The following ANKS1B variants were observed in gnomAD, a reference collection of about 807,000 sequenced individuals.
The protein encoded by ANKS1B is ankyrin repeat and sterile alpha motif domain-containing protein 1B.
In ANKS1B, 36 loss-of-function variants were observed where a neutral mutation model predicts 148.3. The ratio of observed to expected loss-of-function variants is 0.24; its 90% confidence interval spans 0.19 to 0.32. The LOEUF is 0.32. Ranked by LOEUF, ANKS1B falls within the 10% of genes least tolerant of loss-of-function variation. The probability of loss-of-function intolerance (pLI) is 1.00; values close to 1 mark genes in which losing one functional copy is unlikely to be tolerated. For missense variants in ANKS1B, 1,157 were observed against 1,542.6 expected (o/e 0.75, Z 4.19); for synonymous variants, 542 against 560.8 (o/e 0.97, Z 0.47).
At chr12:99,036,508 A>G (rs920709292) in intron 17 of ANKS1B, among the ~76,000 whole-genome samples, 8 of 152,192 alleles carry the variant, frequency 5.3e-5, no homozygotes, top group African/African-American at 9.7e-5. Context: ...TTGCCATCAC[A>G]TGGTTGTCAT....
chr12:99,692,178 G>C, intron 8 of ANKS1B, among the ~76,000 whole-genome samples: 1 of 152,116 alleles, frequency 6.6e-6, no homozygotes, highest in East Asian at 1.9e-4. Flanking sequence ...AGAACATTCT[G>C]GATGCTGTGA....
intron 16 of ANKS1B, among the ~76,000 whole-genome samples, chr12:99,069,914 G>T (rs1205459544): frequency 6.6e-6 from 1 of 152,176 alleles, no homozygotes; most frequent in African/African-American, 2.4e-5. Context: ...TCTGGAGCCA[G>T]CCTGGCCAGT....
chr12:99,762,871 C>A (rs185385417), intron 8 of ANKS1B, among the ~76,000 whole-genome samples: 15 of 151,832 alleles, frequency 9.9e-5, no homozygotes, highest in African/African-American at 3.6e-4. Context: ...GATATACATG[C>A]AGTTAATAAG....
intron 11 of ANKS1B, among the ~76,000 whole-genome samples, chr12:99,419,889 C>A (rs1216015615): frequency 6.6e-6 from 1 of 152,158 alleles, no homozygotes; most frequent in African/African-American, 2.4e-5. Flanking sequence ...AGGTTGGTCT[C>A]AAATTCCTGG....
At chr12:99,369,469 A>T (rs556177616) in intron 12 of ANKS1B, among the ~76,000 whole-genome samples, 1 of 152,162 alleles carries the variant, frequency 6.6e-6, no homozygotes, top group Admixed American at 6.6e-5. Flanking sequence ...AAATAAGTGA[A>T]CTCTGGATCC....
chr12:99,651,076 G>T (rs1386170203), intron 9 of ANKS1B, among the ~76,000 whole-genome samples: 1 of 152,084 alleles, frequency 6.6e-6, no homozygotes, highest in Non-Finnish European at 1.5e-5. Flanking sequence ...AAACAAATCT[G>T]GGGATATAAA....
intron 14 of ANKS1B, among the ~76,000 whole-genome samples, chr12:99,224,586 T>C (rs1248159936): frequency 2.6e-5 from 4 of 152,152 alleles, no homozygotes; most frequent in Non-Finnish European, 5.9e-5. Flanking sequence ...AAAAACTCCC[T>C]GAAGCCTCCC....
At chr12:99,245,438 T>C (rs2090088290) in intron 13 of ANKS1B, among the ~76,000 whole-genome samples, 1 of 152,186 alleles carries the variant, frequency 6.6e-6, no homozygotes, top group Non-Finnish European at 1.5e-5. Context: ...GTTAGCAACC[T>C]GAATAAGATA....
intron 14 of ANKS1B, among the ~76,000 whole-genome samples, chr12:99,241,492 C>T (rs4495972): frequency 0.062 from 9,368 of 152,232 alleles, 561 homozygotes; most frequent in South Asian, 0.22. Flanking sequence ...GGTACCATTC[C>T]TTCTGAAACT....
At chr12:99,070,007 C>A (rs937140140) in intron 16 of ANKS1B, among the ~76,000 whole-genome samples, 2 of 152,134 alleles carry the variant, frequency 1.3e-5, no homozygotes, top group African/African-American at 4.8e-5. Flanking sequence ...TCTTCACCTG[C>A]AAAATAGGGA....
chr12:99,508,021 T>A (rs148143742), intron 9 of ANKS1B, among the ~76,000 whole-genome samples: 275 of 152,040 alleles, frequency 1.8e-3, no homozygotes, highest in Non-Finnish European at 2.8e-3. Context: ...TAACTATACA[T>A]GTAAGTATCA....
intron 10 of ANKS1B, among the ~76,000 whole-genome samples, chr12:99,482,920 G>C (rs1391104691): frequency 6.6e-6 from 1 of 151,864 alleles, no homozygotes; most frequent in Non-Finnish European, 1.5e-5. Context: ...AGAGTTTTTA[G>C]AATATTCTAA....
intron 17 of ANKS1B, among the ~76,000 whole-genome samples, chr12:98,839,286 G>A (rs982144076): frequency 1.3e-5 from 2 of 152,066 alleles, no homozygotes; most frequent in East Asian, 1.9e-4. Context: ...AAAAAATATC[G>A]AGTCCTCCAG....
chr12:99,225,700 G>T (rs188211053), intron 14 of ANKS1B, among the ~76,000 whole-genome samples: 34 of 152,326 alleles, frequency 2.2e-4, no homozygotes, highest in African/African-American at 7.5e-4. Flanking sequence ...CAGACTCCAG[G>T]TTCTTCAGCT....
intron 10 of ANKS1B, 104 bp downstream of exon 10, chr12:99,504,372 C>A (rs1026103547): frequency 8.3e-7 from 1 of 1,204,874 alleles, no homozygotes; most frequent in African/African-American, 1.6e-5. Context: ...ATTGGGGGAA[C>A]TTTCATTTTG....
chr12:99,356,544 AG>A (rs1323229771), intron 12 of ANKS1B, among the ~76,000 whole-genome samples: 1 of 152,162 alleles, frequency 6.6e-6, no homozygotes. Flanking sequence ...ACGCTGGCAA[AG>A]GAAAATATTT....
At chr12:99,373,694 T>G (rs2093259014) in intron 12 of ANKS1B, among the ~76,000 whole-genome samples, 1 of 152,176 alleles carries the variant, frequency 6.6e-6, no homozygotes, top group Non-Finnish European at 1.5e-5. Flanking sequence ...ATTTTTTGTT[T>G]TTTTTTTAAA....
chr12:99,843,716 T>C (rs1019896085), intron 1 of ANKS1B, among the ~76,000 whole-genome samples: 1 of 152,172 alleles, frequency 6.6e-6, no homozygotes, highest in African/African-American at 2.4e-5. Flanking sequence ...GCAATGAACA[T>C]ACATGTGCAT....
intron 8 of ANKS1B, among the ~76,000 whole-genome samples, chr12:99,731,894 A>G (rs948598070): frequency 6.6e-6 from 1 of 152,236 alleles, no homozygotes; most frequent in Non-Finnish European, 1.5e-5. Context: ...GACTACGAGA[A>G]TAACTTTAAA....
Sources: allele counts gnomAD v4.1 joint callset (sites outside exome capture counted in the v4.1 genomes callset), GRCh38; gene constraint gnomAD v4.1.1; transcripts MANE v1.5; gene names NCBI Gene and HGNC (gene_info 2026-07-23, HGNC 2026-07-21).